ATP5F1C: variants seen among roughly 807,000 people sequenced by gnomAD.
ATP5F1C encodes ATP synthase F1 subunit gamma.
Under a neutral mutation model 37.4 loss-of-function variants are expected in ATP5F1C, and 22 were observed. The observed-to-expected ratio is 0.59, with a 90% CI of 0.42 to 0.84. ATP5F1C has a LOEUF of 0.84. Ranked by LOEUF, ATP5F1C falls within the 40% of genes least tolerant of loss-of-function variation. The pLI is 0.00. For synonymous variants in ATP5F1C, 121 were observed against 128.0 expected (o/e 0.95, Z 0.37); for missense variants, 286 against 362.4 (o/e 0.79, Z 1.71).
chr10:7,803,847 C>A (rs139299771), intron 8 of ATP5F1C, among the ~76,000 whole-genome samples: 2,024 of 152,324 alleles, frequency 0.013, 35 homozygotes, highest in South Asian at 0.025. Flanking sequence ...TTACCTCCTG[C>A]TAATCAGTTA....
At position 7,807,767 on chromosome 10, in the gene ATP5F1C, G is replaced by T; in HGVS notation, c.*139G>T. On this transcript the variant is annotated 3_prime_UTR_variant, in exon 10 of 10. Transcript: ENST00000356708. ...AATTACTGAAGACAGCAAGATATTT[G>T]TAAATTATCTTAAAATAAACAACTT... The T allele has an allele frequency of 8.1e-7, 1 of 1,237,924 alleles. No homozygotes were observed. The highest frequency in any genetic ancestry group is 1.1e-6 in the Non-Finnish European group (1 of 887,702). The allele number at this position is 1,237,924 out of a possible 1,614,324, so 76.7% of individuals were successfully genotyped here.
At chr10:7,788,557 C>T (rs1377246548) in intron 1 of ATP5F1C, among the ~76,000 whole-genome samples, 1 of 152,228 alleles carries the variant, frequency 6.6e-6, no homozygotes, top group East Asian at 1.9e-4. Flanking sequence ...TCTGGGCGGT[C>T]TTGAGTTCCC....
intron 4 of ATP5F1C, 99 bp from the exon 5 acceptor site, chr10:7,799,673 C>A: frequency 7.1e-7 from 1 of 1,415,500 alleles, no homozygotes; most frequent in Non-Finnish European, 9.6e-7. Context: ...CCCCAAAAGA[C>A]CTGATCCATG....
At chr10:7,804,124 G>A (rs753604058) in intron 8 of ATP5F1C, 4 of 519,046 alleles carry the variant, frequency 7.7e-6, no homozygotes, top group South Asian at 5.6e-5. Flanking sequence ...CTGGAGCTAA[G>A]AATGGGTTCT....
At chr10:7,807,583 G>A in intron 9 of ATP5F1C, 76 bp from the exon 10 acceptor site, 1 of 1,483,838 alleles carries the variant, frequency 6.7e-7, no homozygotes. Context: ...ACTTAAATAT[G>A]TATTATTATC....
chr10:7,805,908 A>G (rs1836470493), intron 8 of ATP5F1C, among the ~76,000 whole-genome samples: 1 of 151,958 alleles, frequency 6.6e-6, no homozygotes, highest in Non-Finnish European at 1.5e-5. Context: ...GCAACATAGC[A>G]AGACCCCATC....
chr10:7,790,672 G>A (rs1476692161), intron 1 of ATP5F1C, among the ~76,000 whole-genome samples: 1 of 152,208 alleles, frequency 6.6e-6, no homozygotes, highest in African/African-American at 2.4e-5. Flanking sequence ...GTGTAGTACT[G>A]TATGAAGAGA....
At chr10:7,794,500 GTT>G (rs56239627) in intron 1 of ATP5F1C, among the ~76,000 whole-genome samples, 52,578 of 146,538 alleles carry the variant, frequency 0.36, 9,335 homozygotes, top group South Asian at 0.47. Context: ...TTTGTGTGTT[GTT>G]TTTTTTTTTT....
intron 1 of ATP5F1C, among the ~76,000 whole-genome samples, chr10:7,794,225 C>T (rs1277946689): frequency 6.6e-6 from 1 of 152,196 alleles, no homozygotes; most frequent in Non-Finnish European, 1.5e-5. Flanking sequence ...AACCTTATAT[C>T]CTGCAACCTT....
chr10:7,804,941 A>G (rs1836444690), intron 8 of ATP5F1C, among the ~76,000 whole-genome samples: 1 of 152,270 alleles, frequency 6.6e-6, no homozygotes, highest in African/African-American at 2.4e-5. Flanking sequence ...AGAATGCCAG[A>G]GAGACACAAC....
chr10:7,797,876 G>A (rs1297352195), intron 3 of ATP5F1C, among the ~76,000 whole-genome samples: 1 of 152,190 alleles, frequency 6.6e-6, no homozygotes, highest in Non-Finnish European at 1.5e-5. Flanking sequence ...ATGGAAAAGA[G>A]ATGAGATATG....
In ATP5F1C at chr10:7,788,198, T is replaced by C; in HGVS notation, c.-10T>C. 3.1e-6 allele frequency: 5 copies of C among 1,613,200 alleles called. No individual in the cohort carries two copies. The highest frequency in any genetic ancestry group is 4.2e-6 in the Non-Finnish European group (5 of 1,179,912). On this transcript the variant is annotated 5_prime_UTR_variant, in exon 1 of 10. Coordinates refer to ENST00000356708, the MANE Select transcript of ATP5F1C (RefSeq NM_001001973.3). The stretch of plus-strand genomic sequence containing the variant: ...CTGCCTGACCGACCTTCAGCAGGGC[T>C]GTGGCTACCATGTTCTCTCGCGCGG...
At chr10:7,793,182 G>A (rs923026451) in intron 1 of ATP5F1C, among the ~76,000 whole-genome samples, 1 of 152,198 alleles carries the variant, frequency 6.6e-6, no homozygotes, top group African/African-American at 2.4e-5. Flanking sequence ...CACGATCTCT[G>A]CTCACCACAA....
intron 6 of ATP5F1C, among the ~76,000 whole-genome samples, chr10:7,801,163 C>G (rs1198792201): frequency 6.8e-6 from 1 of 147,342 alleles, no homozygotes; most frequent in Admixed American, 6.8e-5. Flanking sequence ...AGGCTTTTTT[C>G]CCTTGTATAT....
chr10:7,799,263 T>TGACAAACTCTCAAAACCTTC (rs1836304588), intron 4 of ATP5F1C, 69 bp downstream of exon 4: 1 of 1,451,396 alleles, frequency 6.9e-7, no homozygotes, highest in Non-Finnish European at 9.5e-7. Context: ...TCAAAAGTTT[T>TGACAAACTCTCAAAACCTTC]GACAAACTCT....
chr10:7,798,573 A>AT (rs1455991909), intron 3 of ATP5F1C, among the ~76,000 whole-genome samples: 2 of 151,992 alleles, frequency 1.3e-5, no homozygotes, highest in East Asian at 3.9e-4. Flanking sequence ...CGCCTGGCTA[A>AT]TTTTTTTGTA....
Sources: allele counts gnomAD v4.1 joint callset (sites outside exome capture counted in the v4.1 genomes callset), GRCh38; gene constraint gnomAD v4.1.1; transcripts MANE v1.5; gene names NCBI Gene and HGNC (gene_info 2026-07-23, HGNC 2026-07-21).